Variants in HSF2BP observed in about 807,000 individuals in gnomAD.
HSF2BP encodes the protein heat shock factor 2-binding protein.
HSF2BP carries 35 observed loss-of-function variants against 35.0 expected under a neutral mutation model. The ratio of observed to expected loss-of-function variants is 1.00; its 90% CI spans 0.76 to 1.32. The LOEUF is 1.32. HSF2BP is among the 40% of genes most tolerant of loss of function. HSF2BP has a pLI of 0.00. For synonymous variants in HSF2BP, 114 were observed against 117.4 expected, an observed-to-expected ratio of 0.97 and a Z score of 0.18; for missense variants, 326 against 321.7, an observed-to-expected ratio of 1.01 and a Z score of -0.10.
At chr21:43,581,864 G>GGAGATGAGGGCCTGCTGAGA (rs1295161831) in intron 8 of HSF2BP, among the ~76,000 whole-genome samples, 1 of 138,442 alleles carries the variant, frequency 7.2e-6, no homozygotes, top group African/African-American at 2.7e-5. Context: ...GCCTGCTGAG[G>GGAGATGAGGGCCTGCTGAGA]GGCCCTGCTG....
chr21:43,580,085 C>T (rs2081704684), intron 8 of HSF2BP, among the ~76,000 whole-genome samples: 1 of 152,038 alleles, frequency 6.6e-6, no homozygotes, highest in South Asian at 2.1e-4. Context: ...CCAGCCTCCC[C>T]GTGTCATGTT....
intron 3 of HSF2BP, among the ~76,000 whole-genome samples, chr21:43,648,598 A>G (rs2082740444): frequency 6.6e-6 from 1 of 152,238 alleles, no homozygotes; most frequent in Non-Finnish European, 1.5e-5. Flanking sequence ...TATGGATGTG[A>G]CACACTCTTC....
intron 8 of HSF2BP, 93 bp downstream of exon 8, chr21:43,592,132 T>C: frequency 1.3e-6 from 1 of 763,788 alleles, no homozygotes; most frequent in Non-Finnish European, 2.3e-6. Flanking sequence ...GTTTCAGACA[T>C]CTACTAGGAA....
intron 7 of HSF2BP, among the ~76,000 whole-genome samples, chr21:43,599,404 C>CA (rs1244899535): frequency 6.6e-6 from 1 of 152,134 alleles, no homozygotes. Context: ...ATTTCTATTC[C>CA]AACCAAAAAT....
chr21:43,654,225 T>G (rs2082835200), intron 3 of HSF2BP, among the ~76,000 whole-genome samples: 1 of 152,180 alleles, frequency 6.6e-6, no homozygotes, highest in South Asian at 2.1e-4. Flanking sequence ...AATCCCAGAC[T>G]CGCACAAATT....
chr21:43,633,226 C>A (rs778130625), intron 5 of HSF2BP, 46 bp downstream of exon 5: 2 of 1,577,810 alleles, frequency 1.3e-6, no homozygotes, highest in Admixed American at 2.0e-5. Context: ...CTAATTTACA[C>A]AAGCAGTAAT....
chr21:43,598,241 G>A (rs536752238), intron 7 of HSF2BP, among the ~76,000 whole-genome samples: 30 of 151,934 alleles, frequency 2.0e-4, no homozygotes, highest in African/African-American at 7.2e-4. Context: ...CGCTGAGAGA[G>A]ACAGACAGGC....
At chr21:43,619,937 C>T (rs2082312884) in intron 6 of HSF2BP, among the ~76,000 whole-genome samples, 1 of 152,226 alleles carries the variant, frequency 6.6e-6, no homozygotes. Flanking sequence ...TCCCACACTG[C>T]CGGGTTATCC....
At chr21:43,649,368 G>C (rs2082752219) in intron 3 of HSF2BP, among the ~76,000 whole-genome samples, 1 of 151,986 alleles carries the variant, frequency 6.6e-6, no homozygotes, top group Non-Finnish European at 1.5e-5. Flanking sequence ...GGAAGGCTGG[G>C]GTTGCAGTGA....
At chr21:43,598,202 T>C (rs550934638) in intron 7 of HSF2BP, among the ~76,000 whole-genome samples, 60 of 152,124 alleles carry the variant, frequency 3.9e-4, no homozygotes, top group Middle Eastern at 6.8e-3. Flanking sequence ...TTTTTTGTTT[T>C]TTTGTTTTGA....
In HSF2BP at chr21:43,658,153, A is replaced by G. The variant is rs2082906514; in HGVS notation, c.-57T>C. The stretch of plus-strand genomic sequence containing the variant: ...GCGTCGGCGCGCCCTCTGACCCCTC[A>G]CGCCAGAAAGCGCGGGAACGAATCC... On this transcript the variant is annotated 5_prime_UTR_variant, in exon 2 of 9. Coordinates refer to ENST00000291560, the MANE Select transcript of HSF2BP (RefSeq NM_007031.2). 6.8e-7 allele frequency: 1 copy of G among 1,477,772 alleles called. No homozygotes were observed. Among genetic ancestry groups the G allele is most frequent in the Non-Finnish European group, 9.0e-7 (1 of 1,116,280 alleles). The allele number at this position is 1,477,772 out of a possible 1,614,324, so 91.5% of individuals were successfully genotyped here. A position where few individuals can be genotyped will look rare whatever the true frequency, so the allele number is the denominator to read the frequency against.
chr21:43,610,435 C>A (rs1435859575), intron 7 of HSF2BP, among the ~76,000 whole-genome samples: 30 of 140,430 alleles, frequency 2.1e-4, no homozygotes, highest in Admixed American at 2.8e-4. Context: ...CAAAAAATAC[C>A]AAAAAAAAAA....
intron 7 of HSF2BP, among the ~76,000 whole-genome samples, chr21:43,601,922 T>G (rs1380287266): frequency 6.6e-6 from 1 of 152,232 alleles, no homozygotes; most frequent in Non-Finnish European, 1.5e-5. Flanking sequence ...TTACTAAAGC[T>G]TTGACTGGAA....
intron 6 of HSF2BP, 94 bp downstream of exon 6, chr21:43,630,228 A>G (rs1010092418): frequency 8.5e-6 from 10 of 1,172,802 alleles, no homozygotes; most frequent in Non-Finnish European, 8.2e-6. Flanking sequence ...GAAACCAAAA[A>G]CATTCATGTG....
At chr21:43,583,578 G>A (rs2081795668) in intron 8 of HSF2BP, among the ~76,000 whole-genome samples, 1 of 142,564 alleles carries the variant, frequency 7.0e-6, no homozygotes, top group Non-Finnish European at 1.5e-5. Context: ...AAGACCTGCT[G>A]AGGGAGATGA....
At chr21:43,495,939 C>T in the HSF2BP span, among the ~76,000 whole-genome samples, 1 of 114,380 alleles carries the variant, frequency 8.7e-6, no homozygotes, top group Admixed American at 8.7e-5. Context: ...CACGGACTCC[C>T]AGGAGTGGTG....
intron 7 of HSF2BP, among the ~76,000 whole-genome samples, chr21:43,599,268 C>T (rs1029134802): frequency 6.6e-6 from 1 of 152,188 alleles, no homozygotes; most frequent in Non-Finnish European, 1.5e-5. Context: ...CATGTTGCCA[C>T]CTGAGACCTC....
At position 43,633,237 on chromosome 21, in the gene HSF2BP, C is replaced by T. The variant is rs771513770; in HGVS notation, c.441+35G>A. On this transcript the variant is annotated intron_variant, in intron 5 of 8. Transcript: ENST00000291560. ...TGCTCTAATTTACACAAGCAGTAAT[C>T]AACAATATCTGGAGAGCCCACTGAC... 1.9e-6 allele frequency: 3 copies of T among 1,590,530 alleles called. No individual in the cohort carries two copies. In the South Asian group the frequency reaches 3.5e-5, roughly 18 times the overall value.
intron 7 of HSF2BP, among the ~76,000 whole-genome samples, chr21:43,603,105 A>C (rs1457541204): frequency 1.3e-5 from 2 of 152,246 alleles, no homozygotes; most frequent in African/African-American, 2.4e-5. Context: ...GGAGAAATCC[A>C]CAAGTCTAAT....
Sources: allele counts gnomAD v4.1 joint callset (sites outside exome capture counted in the v4.1 genomes callset), GRCh38; gene constraint gnomAD v4.1.1; transcripts MANE v1.5; gene names NCBI Gene and HGNC (gene_info 2026-07-23, HGNC 2026-07-21).